Variants in GNAZ observed in about 807,000 individuals in gnomAD.
GNAZ encodes the protein guanine nucleotide-binding protein G(z) subunit alpha.
Under a neutral mutation model 25.4 loss-of-function variants are expected in GNAZ, and 3 were observed. That is an observed-to-expected ratio of 0.12 (90% confidence interval 0.05 to 0.30). The LOEUF is 0.30. Among genes scored for constraint, GNAZ ranks in the 10% least tolerant of loss-of-function variants. GNAZ has a pLI of 1.00. For missense variants in GNAZ, 241 were observed against 501.8 expected (o/e 0.48, Z 4.97); for synonymous variants, 211 against 205.7 (o/e 1.03, Z -0.22).
chr22:23,120,866 A>G (rs11912218), intron 2 of GNAZ, among the ~76,000 whole-genome samples: 2,691 of 152,330 alleles, frequency 0.018, 75 homozygotes, highest in African/African-American at 0.061. Flanking sequence ...GTGTTTGCTC[A>G]GTAAATTAAT....
intron 2 of GNAZ, among the ~76,000 whole-genome samples, chr22:23,104,987 G>T (rs983652478): frequency 7.2e-5 from 11 of 152,264 alleles, no homozygotes; most frequent in African/African-American, 2.7e-4. Context: ...TAGTGGACAA[G>T]CTTAGGCCAG....
chr22:23,107,223 C>T (rs939739711), intron 2 of GNAZ, among the ~76,000 whole-genome samples: 13 of 152,174 alleles, frequency 8.5e-5, no homozygotes, highest in African/African-American at 3.1e-4. Flanking sequence ...CAAGCAGAGG[C>T]TCTGACTTCT....
At chr22:23,110,993 C>G (rs1276876507) in intron 2 of GNAZ, among the ~76,000 whole-genome samples, 1 of 152,204 alleles carries the variant, frequency 6.6e-6, no homozygotes, top group Non-Finnish European at 1.5e-5. Context: ...GTGAACCAAG[C>G]ACAGGGGTGC....
chr22:23,080,404 A>G lies in GNAZ; in HGVS notation c.-450+9834A>G, dbSNP rs550600790. On this transcript the variant is annotated intron_variant, in intron 1 of 2. Transcript: ENST00000615612. The stretch of plus-strand genomic sequence containing the variant: ...TCTCATCTCCCCTTCCTTTAGCAGA[A>G]GGACACTGGGAGGCCCAGCCGGGGC... Among the ~76,000 whole-genome samples the G allele has an allele frequency of 6.7e-3, 886 of 131,364 alleles. 4 individuals are homozygous for G. The highest frequency in any genetic ancestry group is 0.037 in the African/African-American group (831 of 22,692). The allele number at this position is 131,364 out of a possible 152,430, so 86.2% of individuals were successfully genotyped here.
At chr22:23,101,484 C>T (rs1168995952) in intron 2 of GNAZ, among the ~76,000 whole-genome samples, 1 of 152,140 alleles carries the variant, frequency 6.6e-6, no homozygotes. Context: ...AAGGTTGACA[C>T]TCCCCTCGTC....
In GNAZ at chr22:23,124,451, G is replaced by A. The variant is rs1194592764; in HGVS notation, c.*1020G>A. The A allele has an allele frequency of 4.3e-6, 2 of 467,300 alleles. No individual in the cohort carries two copies. Among genetic ancestry groups the A allele is most frequent in the South Asian group, 1.6e-5 (1 of 63,978 alleles). 28.9% of individuals were successfully genotyped at this position (467,300 alleles called of 1,614,324 possible). On this transcript the variant is annotated 3_prime_UTR_variant, in exon 3 of 3. Coordinates refer to ENST00000615612, the MANE Select transcript of GNAZ (RefSeq NM_002073.4). ...CCTGCGCCAGCCTCGCGGGACACGTGTTGTACATAAGCCTCTGCAGTGTCC... is the reference window on the plus strand; with the variant it reads ...CCTGCGCCAGCCTCGCGGGACACGTATTGTACATAAGCCTCTGCAGTGTCC...
chr22:23,122,452 C>T (rs1337231405), intron 2 of GNAZ: 1 of 152,972 alleles, frequency 6.5e-6, no homozygotes, highest in Non-Finnish European at 1.5e-5. Flanking sequence ...GTGCCCACAG[C>T]TGGAGGGCAG....
At chr22:23,111,663 C>T (rs879850540) in intron 2 of GNAZ, among the ~76,000 whole-genome samples, 13 of 152,196 alleles carry the variant, frequency 8.5e-5, no homozygotes, top group Non-Finnish European at 1.8e-4. Context: ...AGTGACATGC[C>T]CAGGGTCTCA....
At chr22:23,121,447 G>T (rs1170871734) in intron 2 of GNAZ, among the ~76,000 whole-genome samples, 1 of 152,152 alleles carries the variant, frequency 6.6e-6, no homozygotes, top group Non-Finnish European at 1.5e-5. Context: ...GCCTCCTTTG[G>T]GCCCACCCTG....
At chr22:23,104,773 A>G (rs1413197933) in intron 2 of GNAZ, among the ~76,000 whole-genome samples, 1 of 152,170 alleles carries the variant, frequency 6.6e-6, no homozygotes, top group Admixed American at 6.5e-5. Flanking sequence ...AGCAGTGAGG[A>G]CAGGATGCAG....
chr22:23,112,950 G>A lies in GNAZ; in HGVS notation c.724-10137G>A, dbSNP rs76435983. 5.8e-3 allele frequency among the ~76,000 whole-genome samples: 888 copies of A among 152,330 alleles called. 10 individuals carry two copies. The highest frequency in any genetic ancestry group is 0.02 in the African/African-American group (852 of 41,564). ...TGGAATACCAGCCAAGAGACCAGGA[G>A]CAGGGAGCGTTCTGATAGGAACATC... On this transcript the variant is annotated intron_variant, in intron 2 of 2. Coordinates refer to ENST00000615612, the MANE Select transcript of GNAZ (RefSeq NM_002073.4).
At chr22:23,116,734 C>T (rs964304567) in intron 2 of GNAZ, among the ~76,000 whole-genome samples, 1 of 152,232 alleles carries the variant, frequency 6.6e-6, no homozygotes, top group Non-Finnish European at 1.5e-5. Flanking sequence ...TTGTCCCACA[C>T]AGCTGCCTTG....
At chr22:23,117,861 A>C (rs970207093) in intron 2 of GNAZ, among the ~76,000 whole-genome samples, 1 of 152,170 alleles carries the variant, frequency 6.6e-6, no homozygotes, top group African/African-American at 2.4e-5. Flanking sequence ...TTGGTGGAGA[A>C]TCAGGAGTGA....
chr22:23,123,037 GTC>G (rs757606624), intron 2 of GNAZ, 48 bp from the exon 3 acceptor site: 2 of 1,266,366 alleles, frequency 1.6e-6, no homozygotes, highest in East Asian at 4.6e-5. Flanking sequence ...TCTAGGGTCT[GTC>G]TCTGCCTGCT....
intron 1 of GNAZ, among the ~76,000 whole-genome samples, chr22:23,084,193 G>A (rs1354658463): frequency 1.3e-5 from 2 of 152,184 alleles, no homozygotes; most frequent in Non-Finnish European, 2.9e-5. Flanking sequence ...AATACAAGCA[G>A]TCCCCAACTT....
chr22:23,080,634 A>T lies in GNAZ; in HGVS notation c.-450+10064A>T, dbSNP rs1014485698. 5.9e-5 allele frequency among the ~76,000 whole-genome samples: 9 copies of T among 152,186 alleles called. No homozygotes were observed. The South Asian group carries it at 1.9e-3, about 32-fold the overall frequency. On this transcript the variant is annotated intron_variant, in intron 1 of 2. Transcript: ENST00000615612. Reference sequence around the variant, plus strand: ...TTGTGGGGAGAGTGTAGAGAAGCCAACCCAGTGGCCTGGGCCCTGGTTACT... The same window carrying T: ...TTGTGGGGAGAGTGTAGAGAAGCCATCCCAGTGGCCTGGGCCCTGGTTACT...
In GNAZ at chr22:23,101,341, G is replaced by A. The variant is rs544815704; in HGVS notation, c.723+4923G>A. Among the ~76,000 whole-genome samples the A allele has an allele frequency of 2.0e-5, 3 of 152,290 alleles. No homozygotes were observed. In the South Asian group the frequency reaches 6.2e-4, roughly 32 times the overall value. ...CACCATACTGGTCCCACATCCTGTG[G>A]GTGCTGGGGTTCTCCAGCAAGGGCC... On this transcript the variant is annotated intron_variant, in intron 2 of 2. Transcript: ENST00000615612.
intron 1 of GNAZ, among the ~76,000 whole-genome samples, chr22:23,077,083 A>G (rs2068525604): frequency 6.6e-6 from 1 of 152,116 alleles, no homozygotes; most frequent in South Asian, 2.1e-4. Flanking sequence ...GGAAAGAGTC[A>G]TGGTCGATTA....
chr22:23,092,078 T>TC (rs1246766675), intron 1 of GNAZ, among the ~76,000 whole-genome samples: 1 of 152,120 alleles, frequency 6.6e-6, no homozygotes, highest in Non-Finnish European at 1.5e-5. Context: ...GGTGTTGAGC[T>TC]CTAGTGATCC....
Sources: gnomAD v4.1 joint callset for allele counts (sites outside exome capture counted in the v4.1 genomes callset) on GRCh38, gnomAD v4.1.1 for gene constraint, MANE v1.5 for transcripts, NCBI Gene and HGNC (gene_info 2026-07-23, HGNC 2026-07-21) for gene names.